SMG9: variants seen among roughly 807,000 people sequenced by gnomAD.
SMG9 encodes the protein nonsense-mediated mRNA decay factor SMG9.
A neutral mutation model predicts 64.0 loss-of-function variants in SMG9; 55 were observed. The observed-to-expected ratio is 0.86, with a 90% CI of 0.69 to 1.08. The LOEUF is 1.08. Ranked by LOEUF, SMG9 falls within the 50% of genes least tolerant of loss-of-function variation. SMG9 has a pLI of 0.00. For synonymous variants in SMG9, 244 were observed against 254.8 expected, an observed-to-expected ratio of 0.96 and a Z score of 0.41; for missense variants, 554 against 681.3, an observed-to-expected ratio of 0.81 and a Z score of 2.08.
intron 6 of SMG9, among the ~76,000 whole-genome samples, chr19:43,741,317 G>A (rs1198945145): frequency 6.6e-6 from 1 of 152,186 alleles, no homozygotes; most frequent in Non-Finnish European, 1.5e-5. Flanking sequence ...TGGACGCAGA[G>A]GAAGGTTGCA....
At chr19:43,743,734 T>C (rs571035094) in intron 6 of SMG9, among the ~76,000 whole-genome samples, 2 of 152,196 alleles carry the variant, frequency 1.3e-5, no homozygotes, top group Non-Finnish European at 2.9e-5. Context: ...AGGTAGAGGA[T>C]GCAGTGGGCT....
At position 43,750,598 on chromosome 19, in the gene SMG9, C is replaced by T; in HGVS notation, c.144G>A (p.Glu48=). The part of the protein sequence containing the change: ...ERDYIAPWER[E]RRDASEETST... ...CCTGGGTCCAGACACTCACCCTTCT[C>T]TCTCTTTCCCATGGTGCAATGTAGT... The change falls in exon 2 of 14, where the codon GAG becomes GAA. Residue 48 remains glutamate, a synonymous_variant. Transcript: ENST00000270066. 6.2e-7 allele frequency: 1 copy of T among 1,610,560 alleles called. No individual in the cohort carries two copies. The highest frequency in any genetic ancestry group is 8.5e-7 in the Non-Finnish European group (1 of 1,178,112).
At chr19:43,739,015 A>T (rs1300824330) in intron 7 of SMG9, among the ~76,000 whole-genome samples, 2 of 152,242 alleles carry the variant, frequency 1.3e-5, no homozygotes. Context: ...CTAAAGGGCC[A>T]GGCCCTGTGC....
At chr19:43,737,538 T>C in intron 9 of SMG9, 59 bp downstream of exon 9, 1 of 1,480,996 alleles carries the variant, frequency 6.8e-7, no homozygotes, top group African/African-American at 1.4e-5. Flanking sequence ...CTCAAGTCTC[T>C]GGGCCTTTGT....
intron 2 of SMG9, among the ~76,000 whole-genome samples, chr19:43,748,333 G>A (rs1409390889): frequency 6.6e-6 from 1 of 152,230 alleles, no homozygotes; most frequent in Non-Finnish European, 1.5e-5. Context: ...ACAAGCCCAG[G>A]AGGAAAGGAA....
chr19:43,751,066 G>A (rs1446907929), intron 1 of SMG9, among the ~76,000 whole-genome samples: 2 of 148,498 alleles, frequency 1.3e-5, no homozygotes, highest in Non-Finnish European at 3.0e-5. Context: ...CTCAGGTGAT[G>A]CACCTACCTT....
At chr19:43,741,257 A>G (rs924757631) in intron 6 of SMG9, among the ~76,000 whole-genome samples, 2 of 152,174 alleles carry the variant, frequency 1.3e-5, no homozygotes, top group African/African-American at 4.8e-5. Context: ...GGAAATGACA[A>G]TGCTGAGGGT....
intron 6 of SMG9, among the ~76,000 whole-genome samples, chr19:43,741,785 C>CCCT (rs1968853160): frequency 6.6e-6 from 1 of 152,164 alleles, no homozygotes; most frequent in Admixed American, 6.5e-5. Context: ...GCAAGGCCTT[C>CCCT]CCTCACCATC....
At chr19:43,749,479 G>A (rs1013270773) in intron 2 of SMG9, among the ~76,000 whole-genome samples, 1 of 152,172 alleles carries the variant, frequency 6.6e-6, no homozygotes, top group Non-Finnish European at 1.5e-5. Flanking sequence ...AAGGTGTGGC[G>A]GGATAACATT....
intron 1 of SMG9, among the ~76,000 whole-genome samples, chr19:43,753,055 G>T (rs1212519206): frequency 6.6e-6 from 1 of 151,720 alleles, no homozygotes; most frequent in Admixed American, 6.6e-5. Context: ...AGAATGGAAG[G>T]GTCTGTTTAC....
chr19:43,750,529 C>T, intron 2 of SMG9, 63 bp downstream of exon 2: 6 of 1,537,796 alleles, frequency 3.9e-6, no homozygotes, highest in East Asian at 2.3e-5. Flanking sequence ...TAGTGCCTGG[C>T]ACATGGCAGG....
In SMG9 at chr19:43,737,658, AAAGG is replaced by A. The variant is rs1968715539; in HGVS notation, c.930_933del (p.Leu311SerfsTer7). On this transcript the variant is annotated frameshift_variant, in exon 9 of 14. Coordinates refer to ENST00000270066, the MANE Select transcript of SMG9 (RefSeq NM_019108.4). LOFTEE classifies it high-confidence loss of function. ...ACAATCACCACATGGCAGACCGTGAAAAGGAAGGCAGCAATCTGGAGTGACTGAG... is the reference window on the plus strand; with the variant it reads ...ACAATCACCACATGGCAGACCGTGAAAAGGCAGCAATCTGGAGTGACTGAG... 6.2e-7 allele frequency: 1 copy of A among 1,613,890 alleles called. No homozygotes were observed. The highest frequency in any genetic ancestry group is 1.7e-5 in the Admixed American group (1 of 59,990).
intron 10 of SMG9, 39 bp downstream of exon 10, chr19:43,734,350 C>A: frequency 6.7e-7 from 1 of 1,497,342 alleles, no homozygotes; most frequent in Non-Finnish European, 9.1e-7. Flanking sequence ...CCTCATTTTT[C>A]CTCCTGCCCA....
At chr19:43,748,766 C>A (rs775535288) in intron 2 of SMG9, 1 of 520,158 alleles carries the variant, frequency 1.9e-6, no homozygotes, top group Non-Finnish European at 3.8e-6. Context: ...AGTCTTGACC[C>A]CTAACTGTGT....
At chr19:43,733,940 C>G in intron 10 of SMG9, 1 of 590,792 alleles carries the variant, frequency 1.7e-6, no homozygotes, top group Non-Finnish European at 3.0e-6. Flanking sequence ...TGCCCCTAGT[C>G]TCTTTGAGGC....
intron 5 of SMG9, 29 bp from the exon 6 acceptor site, chr19:43,744,913 CA>C: frequency 6.4e-7 from 1 of 1,566,332 alleles, no homozygotes; most frequent in Non-Finnish European, 8.8e-7. Flanking sequence ...ATGACTCTGA[CA>C]AGTCTGTCAG....
chr19:43,734,652 G>A (rs1443698594), intron 9 of SMG9, 157 bp from the exon 10 acceptor site: 1 of 546,958 alleles, frequency 1.8e-6, no homozygotes, highest in Non-Finnish European at 3.3e-6. Context: ...AGAGAATTCA[G>A]AGATAATCCT....
In SMG9 at chr19:43,729,142, A is replaced by C; in HGVS notation, c.*2454T>G. On this transcript the variant is annotated 3_prime_UTR_variant, in exon 14 of 14. Coordinates refer to ENST00000270066, the MANE Select transcript of SMG9 (RefSeq NM_019108.4). ...TTGACTCCTCTGTCAAACTGCCTCAACGAGCCAGCCCCTGCACAAAACCCT... is the reference window on the plus strand; with the variant it reads ...TTGACTCCTCTGTCAAACTGCCTCACCGAGCCAGCCCCTGCACAAAACCCT... The C allele has an allele frequency of 3.4e-6, 2 of 585,964 alleles. No individual in the cohort carries two copies. The highest frequency in any genetic ancestry group is 4.3e-6 in the Non-Finnish European group (2 of 465,432). The allele number at this position is 585,964 out of a possible 1,614,324, so 36.3% of individuals were successfully genotyped here.
At chr19:43,738,004 G>A in intron 8 of SMG9, 118 bp downstream of exon 8, 4 of 970,258 alleles carry the variant, frequency 4.1e-6, no homozygotes, top group East Asian at 2.5e-5. Context: ...CCTTGGGGCA[G>A]CCAGGGCTCT....
Sources: gnomAD v4.1 joint callset for allele counts (sites outside exome capture counted in the v4.1 genomes callset) on GRCh38, gnomAD v4.1.1 for gene constraint, MANE v1.5 for transcripts, NCBI Gene and HGNC (gene_info 2026-07-23, HGNC 2026-07-21) for gene names.